Variants in PRPSAP2 observed in about 807,000 individuals in gnomAD.
PRPSAP2 encodes phosphoribosyl pyrophosphate synthase-associated protein 2.
In PRPSAP2, 24 loss-of-function variants were observed where a neutral mutation model predicts 40.6. The observed-to-expected ratio is 0.59, with a 90% CI of 0.43 to 0.83. PRPSAP2 has a LOEUF of 0.83. Among genes scored for constraint, PRPSAP2 ranks in the 40% least tolerant of loss-of-function variants. The pLI, the probability that PRPSAP2 is intolerant of heterozygous loss-of-function variation, is 0.00. For synonymous variants in PRPSAP2, 149 were observed against 164.7 expected (o/e 0.90, Z 0.73); for missense variants, 292 against 465.6 (o/e 0.63, Z 3.43).
intron 5 of PRPSAP2, among the ~76,000 whole-genome samples, chr17:18,875,143 C>G (rs2038182760): frequency 6.6e-6 from 1 of 152,170 alleles, no homozygotes; most frequent in East Asian, 1.9e-4. Context: ...CTTTCATTTT[C>G]TCTCCGTGTC....
At chr17:18,925,279 A>G (rs2041912140) in intron 10 of PRPSAP2, among the ~76,000 whole-genome samples, 1 of 152,222 alleles carries the variant, frequency 6.6e-6, no homozygotes, top group South Asian at 2.1e-4. Flanking sequence ...CACTTGAGGC[A>G]TAGATCATCA....
At chr17:18,869,203 G>A (rs1442421271) in intron 4 of PRPSAP2, among the ~76,000 whole-genome samples, 1 of 152,052 alleles carries the variant, frequency 6.6e-6, no homozygotes, top group African/African-American at 2.4e-5. Context: ...AAGGAAGGAA[G>A]TAATATTTGT....
At position 18,912,204 on chromosome 17, in the gene PRPSAP2, C is replaced by T. The variant is rs547049833; in HGVS notation, c.733+953C>T. Among the ~76,000 whole-genome samples the T allele has an allele frequency of 3.4e-4, 52 of 151,988 alleles. 2 individuals carry two copies. In the South Asian group the frequency reaches 0.01, roughly 30 times the overall value. On this transcript the variant is annotated intron_variant, in intron 9 of 11. Transcript: ENST00000268835. Reference sequence around the variant, plus strand: ...TCTCAGAAAAAAAAAAAGATAAAGGCGCCAGCAGATTTGGTGTCTGTCGAG... The same window carrying T: ...TCTCAGAAAAAAAAAAAGATAAAGGTGCCAGCAGATTTGGTGTCTGTCGAG...
At chr17:18,917,141 C>T (rs2041364785) in intron 9 of PRPSAP2, among the ~76,000 whole-genome samples, 1 of 151,906 alleles carries the variant, frequency 6.6e-6, no homozygotes. Context: ...AAAATGCCAC[C>T]TTCGAGTTGT....
At chr17:18,907,931 G>A (rs1335071090) in intron 8 of PRPSAP2, among the ~76,000 whole-genome samples, 1 of 152,192 alleles carries the variant, frequency 6.6e-6, no homozygotes, top group African/African-American at 2.4e-5. Flanking sequence ...AAGGTCAGGA[G>A]TTCAAGACCA....
At chr17:18,889,679 C>A in intron 7 of PRPSAP2, 143 bp from the exon 8 acceptor site, 1 of 580,430 alleles carries the variant, frequency 1.7e-6, no homozygotes. Flanking sequence ...TAGGCAGGTT[C>A]CTTTCTTCAT....
chr17:18,874,849 C>T (rs1246490297), intron 5 of PRPSAP2, among the ~76,000 whole-genome samples: 1 of 152,204 alleles, frequency 6.6e-6, no homozygotes, highest in African/African-American at 2.4e-5. Flanking sequence ...ACAACTTAAA[C>T]GGCTTCTGGC....
chr17:18,867,482 G>GT (rs2037519835), intron 4 of PRPSAP2, 148 bp downstream of exon 4: 1 of 885,586 alleles, frequency 1.1e-6, no homozygotes, highest in South Asian at 1.7e-5. Flanking sequence ...GAACAGAGTG[G>GT]TTTTTTAGCT....
chr17:18,928,997 C>T, intron 11 of PRPSAP2, 40 bp downstream of exon 11: 1 of 1,586,600 alleles, frequency 6.3e-7, no homozygotes, highest in Non-Finnish European at 8.6e-7. Flanking sequence ...GCTGCCTGGG[C>T]TTTTGGCACA....
intron 7 of PRPSAP2, among the ~76,000 whole-genome samples, chr17:18,883,393 G>A (rs1597596483): frequency 1.5e-5 from 2 of 136,666 alleles, no homozygotes; most frequent in Admixed American, 8.0e-5. Flanking sequence ...GCTTTTAGCT[G>A]TTTTTCTTTC....
intron 7 of PRPSAP2, among the ~76,000 whole-genome samples, chr17:18,886,359 C>CT (rs772700765): frequency 0.032 from 4,589 of 143,768 alleles, 215 homozygotes; most frequent in African/African-American, 0.1. Context: ...GCCATCTATA[C>CT]TTTTTTTTTT....
At chr17:18,868,536 G>C (rs1469835299) in intron 4 of PRPSAP2, among the ~76,000 whole-genome samples, 1 of 151,850 alleles carries the variant, frequency 6.6e-6, no homozygotes, top group Non-Finnish European at 1.5e-5. Flanking sequence ...AGCTTGCATG[G>C]GCTTGAGAGT....
chr17:18,885,404 A>AC (rs1491163051), intron 7 of PRPSAP2, among the ~76,000 whole-genome samples: 9,784 of 122,574 alleles, frequency 0.08, 867 homozygotes, highest in African/African-American at 0.11. Flanking sequence ...TCCTTCTCAC[A>AC]AAAAAAAAAA....
intron 9 of PRPSAP2, among the ~76,000 whole-genome samples, chr17:18,919,274 C>T (rs143967551): frequency 0.036 from 5,429 of 152,050 alleles, 153 homozygotes; most frequent in South Asian, 0.11. Context: ...TTTGGGAGGC[C>T]GAGGTGGGTG....
intron 7 of PRPSAP2, among the ~76,000 whole-genome samples, chr17:18,887,387 C>A (rs1484097687): frequency 6.6e-6 from 1 of 152,086 alleles, no homozygotes; most frequent in Non-Finnish European, 1.5e-5. Flanking sequence ...GTGTGCACCA[C>A]CACGCCTGGC....
rs536964019 is a variant in PRPSAP2, at chr17:18,916,895, T to TA, written c.733+5646dup. 1.3e-4 allele frequency among the ~76,000 whole-genome samples: 20 copies of TA among 152,334 alleles called. No homozygotes were observed. The South Asian group carries it at 3.9e-3, about 30-fold the overall frequency. The stretch of plus-strand genomic sequence containing the variant: ...TCATGAAGGCAGAGGCCTTGAGCCT[T>TA]AATCATTTCCCAAAGGCCCCACTGT... On this transcript the variant is annotated intron_variant, in intron 9 of 11. Coordinates refer to ENST00000268835, the MANE Select transcript of PRPSAP2 (RefSeq NM_002767.4).
At chr17:18,868,492 A>AG (rs1217791600) in intron 4 of PRPSAP2, among the ~76,000 whole-genome samples, 1 of 151,954 alleles carries the variant, frequency 6.6e-6, no homozygotes, top group Non-Finnish European at 1.5e-5. Flanking sequence ...GGAAAAAAAA[A>AG]AAAAAAGAAA....
At chr17:18,895,889 A>G (rs938263154) in intron 8 of PRPSAP2, among the ~76,000 whole-genome samples, 2 of 151,994 alleles carry the variant, frequency 1.3e-5, no homozygotes, top group Non-Finnish European at 2.9e-5. Context: ...GGCCTCCCAA[A>G]ATGCTGGGAT....
intron 5 of PRPSAP2, among the ~76,000 whole-genome samples, chr17:18,872,928 C>T (rs1346337197): frequency 6.6e-6 from 1 of 151,420 alleles, no homozygotes; most frequent in East Asian, 1.9e-4. Context: ...CTGTAACCAC[C>T]TCCTCCCAGG....
Sources: allele counts gnomAD v4.1 joint callset (sites outside exome capture counted in the v4.1 genomes callset), GRCh38; gene constraint gnomAD v4.1.1; transcripts MANE v1.5; gene names NCBI Gene and HGNC (gene_info 2026-07-23, HGNC 2026-07-21).